The following ETNK2 variants were observed in gnomAD, a reference collection of about 807,000 sequenced individuals.
The protein encoded by ETNK2 is ethanolamine kinase 2.
Under a neutral mutation model 46.2 loss-of-function variants are expected in ETNK2, and 33 were observed. That is an observed-to-expected ratio of 0.71 (90% CI 0.54 to 0.96). The LOEUF is 0.96. Ranked by LOEUF, ETNK2 falls within the 40% of genes least tolerant of loss-of-function variation. ETNK2 has a pLI of 0.00. For synonymous variants in ETNK2, 194 were observed against 209.0 expected, an observed-to-expected ratio of 0.93 and a Z score of 0.62; for missense variants, 445 against 509.7, an observed-to-expected ratio of 0.87 and a Z score of 1.22.
chr1:204,131,908 G>A lies in ETNK2; in HGVS notation c.*276C>T, dbSNP rs139891629. ...TGGGAATGATGTGTTTCCCAGGGGT[G>A]GTTATGGTTCAGGACCTGGCTGCAG... On this transcript the variant is annotated 3_prime_UTR_variant, in exon 8 of 8. Transcript: ENST00000367202. This position sits in a 1 kb window ranked among gnomAD's most constrained non-coding sequence, Gnocchi z 4.3. The A allele has an allele frequency of 1.7e-4, 81 of 476,288 alleles. 2 individuals are homozygous for A. In the Middle Eastern group the frequency reaches 2.3e-3, roughly 14 times the overall value. The allele number at this position is 476,288 out of a possible 1,614,324, so 29.5% of individuals were successfully genotyped here. A position where few individuals can be genotyped will look rare whatever the true frequency, so the allele number is the denominator to read the frequency against.
Position 204,140,024 on chromosome 1 carries a change from G to GC in ETNK2, c.868+10dup. 1 of 1,611,724 alleles carries GC rather than the reference G, an allele frequency of 6.2e-7. No homozygotes were observed. Among genetic ancestry groups the GC allele is most frequent in the South Asian group, 1.1e-5 (1 of 91,036 alleles). On this transcript the variant is annotated intron_variant, in intron 5 of 7. Transcript: ENST00000367202. Reference sequence around the variant, plus strand: ...CTACAAAGCACATGACTGTAGAAATGCCCCTCTCACCTGCAAACTCATTGA... The same window carrying GC: ...CTACAAAGCACATGACTGTAGAAATGCCCCCTCTCACCTGCAAACTCATTGA...
chr1:204,141,752 C>T (rs954955922), intron 3 of ETNK2: 2 of 384,364 alleles, frequency 5.2e-6, no homozygotes, highest in Middle Eastern at 7.6e-4. Context: ...GTGAAAGGAA[C>T]AGGAGGGTAA....
Position 204,151,992 on chromosome 1 carries a change from C to G in ETNK2, c.-140G>C, listed in dbSNP as rs1052897428. 1 of 900,134 alleles carries G rather than the reference C, an allele frequency of 1.1e-6. No homozygotes were observed. The highest frequency in any genetic ancestry group is 1.5e-6 in the Non-Finnish European group (1 of 682,670). The allele number at this position is 900,134 out of a possible 1,614,324, so 55.8% of individuals were successfully genotyped here. A position where few individuals can be genotyped will look rare whatever the true frequency, so the allele number is the denominator to read the frequency against. On this transcript the variant is annotated 5_prime_UTR_variant, in exon 1 of 8. Coordinates refer to ENST00000367202, the MANE Select transcript of ETNK2 (RefSeq NM_018208.4). The surrounding 1 kb of genome is among the most constrained non-coding windows in gnomAD (Gnocchi z 8.0). ...GAGCTGCCCGCTTCGATCGCCGGCT[C>G]GCGGCCCGCCGCCCACCGCCGACCC... is the stretch of plus-strand genomic sequence containing the variant.
chr1:204,135,541 C>T (rs549841032), intron 6 of ETNK2, among the ~76,000 whole-genome samples: 29 of 152,348 alleles, frequency 1.9e-4, no homozygotes, highest in Non-Finnish European at 3.8e-4. Context: ...TGTGGCTCTC[C>T]CATCCCATTC....
At chr1:204,142,308 C>T (rs1310060211) in intron 3 of ETNK2, 1 of 152,274 alleles carries the variant, frequency 6.6e-6, no homozygotes, top group Non-Finnish European at 1.5e-5. Context: ...GCAAGTGCAA[C>T]CTGGGGGCAT....
chr1:204,147,560 C>T (rs1464932868), intron 2 of ETNK2: 1 of 532,970 alleles, frequency 1.9e-6, no homozygotes, highest in Non-Finnish European at 3.8e-6. Context: ...TCCGCTGTCC[C>T]ACCCCCCAAC....
At chr1:204,146,490 C>T (rs576401593) in intron 3 of ETNK2, among the ~76,000 whole-genome samples, 152 bp downstream of exon 3, 15 of 152,256 alleles carry the variant, frequency 9.9e-5, no homozygotes, top group African/African-American at 3.4e-4. Flanking sequence ...CAGAGGCTTA[C>T]CGACTAGGAC....
At chr1:204,140,976 C>T in intron 4 of ETNK2, 1 of 374,082 alleles carries the variant, frequency 2.7e-6, no homozygotes, top group African/African-American at 2.1e-5. Context: ...CATGTACCAC[C>T]ATACCAGGAA....
At chr1:204,146,466 A>G (rs1013296547) in intron 3 of ETNK2, among the ~76,000 whole-genome samples, 176 bp downstream of exon 3, 1 of 152,108 alleles carries the variant, frequency 6.6e-6, no homozygotes, top group Admixed American at 6.6e-5. Flanking sequence ...AGGAGGGCCA[A>G]CTCTGCTTGG....
intron 6 of ETNK2, among the ~76,000 whole-genome samples, chr1:204,136,232 C>T (rs1657275089): frequency 6.6e-6 from 1 of 151,098 alleles, no homozygotes; most frequent in Non-Finnish European, 1.5e-5. Context: ...CTGATCTCCA[C>T]AAAAAGTTTA....
chr1:204,143,910 G>A (rs1657665936), intron 3 of ETNK2, among the ~76,000 whole-genome samples: 1 of 152,148 alleles, frequency 6.6e-6, no homozygotes, highest in Admixed American at 6.5e-5. Context: ...AGGCAGCTTA[G>A]GGCATGGATC....
At chr1:204,141,835 A>G (rs1444042965) in intron 3 of ETNK2, 2 of 199,726 alleles carry the variant, frequency 1.0e-5, no homozygotes, top group Non-Finnish European at 2.1e-5. Context: ...GACTAAGAAC[A>G]AGGGCAACAG....
rs760620245 is a variant in ETNK2, at chr1:204,141,472, A to G, written c.642-15T>C. 6.4e-7 allele frequency: 1 copy of G among 1,565,644 alleles called. No homozygotes were observed. Among genetic ancestry groups the G allele is most frequent in the Non-Finnish European group, 8.7e-7 (1 of 1,155,058 alleles). ...CTGCAGAAAGGCTGGGCAGTGGCAA[A>G]AAAGGTAGCCAGTGAAAGGAGGGCT... is the stretch of plus-strand genomic sequence containing the variant. On this transcript the variant is annotated splice_polypyrimidine_tract_variant and intron_variant, in intron 3 of 7. Transcript: ENST00000367202.
Position 204,149,872 on chromosome 1 carries a change from G to T in ETNK2, c.349C>A (p.Arg117=). 1 of 1,593,468 alleles carries T rather than the reference G, an allele frequency of 6.3e-7. No individual in the cohort carries two copies. The highest frequency in any genetic ancestry group is 8.5e-7 in the Non-Finnish European group (1 of 1,170,284). The change falls in exon 2 of 8, where the codon CGG becomes AGG. Residue 117 remains arginine, a synonymous_variant. Coordinates refer to ENST00000367202, the MANE Select transcript of ETNK2 (RefSeq NM_018208.4). ...TCCCGGTCCACCAGCAGCTCCGTCC[G>T]CTCCCCATACACCCGGACCAGCACG... The part of the protein sequence containing the change: ...DCVLVRVYGE[R]TELLVDRENE...
At chr1:204,132,307 C>A in intron 7 of ETNK2, 51 bp from the exon 8 acceptor site, 2 of 1,459,938 alleles carry the variant, frequency 1.4e-6, no homozygotes, top group East Asian at 4.9e-5. Flanking sequence ...GCCAGGTGGG[C>A]CCTGCTGGGG....
intron 3 of ETNK2, chr1:204,142,029 A>T (rs1020513368): frequency 2.6e-5 from 4 of 155,584 alleles, no homozygotes; most frequent in Non-Finnish European, 5.7e-5. Context: ...ATGTCCTGGT[A>T]TGCACCCCCC....
chr1:204,146,026 T>G (rs1390706609), intron 3 of ETNK2, among the ~76,000 whole-genome samples: 3 of 152,090 alleles, frequency 2.0e-5, no homozygotes, highest in Non-Finnish European at 4.4e-5. Flanking sequence ...GGGTGGTCTA[T>G]CTCCTTTCCT....
chr1:204,138,113 A>G (rs1657358452), intron 5 of ETNK2, among the ~76,000 whole-genome samples: 1 of 152,148 alleles, frequency 6.6e-6, no homozygotes, highest in African/African-American at 2.4e-5. Context: ...CGTGGCTAGA[A>G]AAGAATCTCC....
At chr1:204,136,403 GTATATATATATA>G (rs35373627) in intron 6 of ETNK2, among the ~76,000 whole-genome samples, 178 of 139,820 alleles carry the variant, frequency 1.3e-3, no homozygotes, top group African/African-American at 4.6e-3. Context: ...CTCAAAAAAA[GTATATATATATA>G]TATATATATA....
Sources: gnomAD v4.1 joint callset for allele counts (sites outside exome capture counted in the v4.1 genomes callset) on GRCh38, gnomAD v4.1.1 for gene constraint, Gnocchi (gnomAD v3.1) non-coding constraint, MANE v1.5 for transcripts, NCBI Gene and HGNC (gene_info 2026-07-23, HGNC 2026-07-21) for gene names.